Variants in KIF1A observed in about 807,000 individuals in gnomAD.
KIF1A encodes kinesin family member 1A.
Under a neutral mutation model 227.3 loss-of-function variants are expected in KIF1A, and 46 were observed. The observed-to-expected ratio is 0.20, with a 90% CI of 0.16 to 0.26. The LOEUF (loss-of-function observed/expected upper bound fraction) is 0.26, where lower values mean the gene tolerates loss of function less well. KIF1A is among the 10% of genes least tolerant of loss of function. KIF1A has a pLI of 1.00. For missense variants in KIF1A, 1,683 were observed against 2,485.9 expected (o/e 0.68, Z 6.87); for synonymous variants, 1,022 against 1,012.8 (o/e 1.01, Z -0.17).
chr2:240,757,687 A>G lies in KIF1A; in HGVS notation c.2583-93T>C. On this transcript the variant is annotated intron_variant, in intron 26 of 48. Coordinates refer to ENST00000498729, the MANE Select transcript of KIF1A (RefSeq NM_001244008.2). This position sits in a 1 kb window ranked among gnomAD's most constrained non-coding sequence, Gnocchi z 6.2. The stretch of plus-strand genomic sequence containing the variant: ...GGCCGGGGCTGGGGGGCTTCTGTTT[A>G]AAACCAAAACCAAACACACAGACCA... The G allele has an allele frequency of 8.4e-7, 1 of 1,191,338 alleles. No homozygotes were observed. Among genetic ancestry groups the G allele is most frequent in the South Asian group, 1.5e-5 (1 of 64,860 alleles). The allele number at this position is 1,191,338 out of a possible 1,614,324, so 73.8% of individuals were successfully genotyped here. A position where few individuals can be genotyped will look rare whatever the true frequency, so the allele number is the denominator to read the frequency against.
At chr2:240,774,339 AT>A in intron 11 of KIF1A, 78 bp from the exon 12 acceptor site, 1 of 882,224 alleles carries the variant, frequency 1.1e-6, no homozygotes, top group Non-Finnish European at 1.8e-6. Context: ...TTCCCCCCAC[AT>A]TTACAGATGG....
intron 1 of KIF1A, chr2:240,798,174 G>T (rs548002668): frequency 5.7e-6 from 1 of 176,604 alleles, no homozygotes; most frequent in East Asian, 1.6e-4. Flanking sequence ...GGTCCGCGCA[G>T]GCCCCAAGAG....
intron 10 of KIF1A, among the ~76,000 whole-genome samples, chr2:240,776,657 C>T (rs548137372): frequency 1.3e-5 from 2 of 152,364 alleles, no homozygotes; most frequent in East Asian, 1.9e-4. Context: ...GTTTCAGTGA[C>T]TTCCAATGTC....
rs375290825 is a variant in KIF1A, at chr2:240,760,758, C to T, written c.2351G>A (p.Arg784Gln). 8.7e-6 allele frequency: 14 copies of T among 1,601,160 alleles called. No homozygotes were observed. Among genetic ancestry groups the T allele is most frequent in the Non-Finnish European group, 1.1e-5 (13 of 1,174,352 alleles). Residue 784 changes from arginine (R) to glutamine (Q), a missense_variant, in exon 25 of 49, where the codon CGA becomes CAA. Physicochemically the swap from Arg to Gln is conservative, Grantham distance 43. Around this residue, in one of 12 missense-constraint regions of KIF1A, gnomAD observed 759 missense variants for 1,020.2 expected, o/e 0.74. Coordinates refer to ENST00000498729, the MANE Select transcript of KIF1A (RefSeq NM_001244008.2). ...GGTGCGGGGGAAGGGCCGCGTCTCT[C>T]GGTCTTTGGCGGCCTCTGGGGGCAG... is the stretch of plus-strand genomic sequence containing the variant. ...DLLPPEAAKD[R>Q]ETRPFPRTIV...
In KIF1A at chr2:240,780,159, G is replaced by A. The variant is rs1006936714; in HGVS notation, c.882+2431C>T. Reference sequence around the variant, plus strand: ...AGATCCCCCGAGTCCCTGACGCAGCGTTCACACGGTTCCTCATGCCTTTCC... The same window carrying A: ...AGATCCCCCGAGTCCCTGACGCAGCATTCACACGGTTCCTCATGCCTTTCC... On this transcript the variant is annotated intron_variant, in intron 10 of 48. Coordinates refer to ENST00000498729, the MANE Select transcript of KIF1A (RefSeq NM_001244008.2). 5.3e-5 allele frequency among the ~76,000 whole-genome samples: 8 copies of A among 151,852 alleles called. No homozygotes were observed. In the East Asian group the frequency reaches 5.8e-4, roughly 11 times the overall value.
At chr2:240,754,264 C>T (rs904780387) in intron 27 of KIF1A, among the ~76,000 whole-genome samples, 8 of 152,236 alleles carry the variant, frequency 5.3e-5, no homozygotes, top group African/African-American at 1.9e-4. Flanking sequence ...CCCATCTCTA[C>T]AGCACCCTGT....
chr2:240,758,560 C>T lies in KIF1A; in HGVS notation c.2445-63G>A, dbSNP rs879218776. 8 of 1,449,514 alleles carry T rather than the reference C, an allele frequency of 5.5e-6. 2 individuals are homozygous for T. The South Asian group carries it at 1.2e-4, about 21-fold the overall frequency. 89.8% of individuals were successfully genotyped at this position (1,449,514 alleles called of 1,614,324 possible). A position where few individuals can be genotyped will look rare whatever the true frequency, so the allele number is the denominator to read the frequency against. ...AGCGCTCAGCAGCTGGCACCGCACA[C>T]CCTTATCTCCTGGGGACAGTGGGCT... On this transcript the variant is annotated intron_variant, in intron 25 of 48. Transcript: ENST00000498729. This position sits in a 1 kb window ranked among gnomAD's most constrained non-coding sequence, Gnocchi z 5.2.
upstream of KIF1A, among the ~76,000 whole-genome samples, chr2:240,820,539 C>G (rs2058655025): frequency 6.6e-6 from 1 of 151,862 alleles, no homozygotes; most frequent in Non-Finnish European, 1.5e-5. The surrounding 1 kb of genome is among the most constrained non-coding windows in gnomAD (Gnocchi z 6.2). Context: ...CGCCCCGTCC[C>G]GAAGCCCCGC....
At chr2:240,747,489 T>C (rs1485807011) in intron 28 of KIF1A, among the ~76,000 whole-genome samples, 168 bp from the exon 29 acceptor site, 2 of 152,174 alleles carry the variant, frequency 1.3e-5, no homozygotes, top group South Asian at 2.1e-4. Context: ...AACCAGGGCA[T>C]GTCCCGGCAC....
At chr2:240,749,015 A>C (rs2048915342) in intron 28 of KIF1A, among the ~76,000 whole-genome samples, 1 of 151,734 alleles carries the variant, frequency 6.6e-6, no homozygotes, top group South Asian at 2.1e-4. Context: ...CAGCTACTCT[A>C]CTCGGCAGGC....
chr2:240,737,006 G>A, intron 38 of KIF1A, 57 bp downstream of exon 38: 2 of 1,413,624 alleles, frequency 1.4e-6, no homozygotes, highest in African/African-American at 1.4e-5. Flanking sequence ...GTTGGCTGAG[G>A]GCCTGGCAGG....
rs990997300 is a variant in KIF1A at position 240,792,127 on chromosome 2, G to C, written c.107-2815C>G. Among the ~76,000 whole-genome samples the C allele has an allele frequency of 2.0e-5, 3 of 151,958 alleles. No individual in the cohort carries two copies. Among genetic ancestry groups the C allele is most frequent in the African/African-American group, 7.2e-5 (3 of 41,380 alleles). ...AGGTCCTCTCCCCCGGTCACACGAC[G>C]CACAGCCAGACTAGAAGCCAGGGTC... is the stretch of plus-strand genomic sequence containing the variant. On this transcript the variant is annotated intron_variant, in intron 2 of 48. Coordinates refer to ENST00000498729, the MANE Select transcript of KIF1A (RefSeq NM_001244008.2). The surrounding 1 kb of genome is among the most constrained non-coding windows in gnomAD (Gnocchi z 4.5).
At chr2:240,730,276 A>C (rs1397735544) in intron 38 of KIF1A, among the ~76,000 whole-genome samples, 1 of 152,216 alleles carries the variant, frequency 6.6e-6, no homozygotes, top group Non-Finnish European at 1.5e-5. Context: ...CCGGGCTTGC[A>C]GGGCACAGCA....
chr2:240,785,198 GC>G, intron 6 of KIF1A, 98 bp from the exon 7 acceptor site: 3 of 998,772 alleles, frequency 3.0e-6, no homozygotes, highest in Non-Finnish European at 4.6e-6. Context: ...ATCGGGGGGG[GC>G]AGTTCCCCCA....
intron 23 of KIF1A, among the ~76,000 whole-genome samples, chr2:240,762,453 A>G (rs1332795766): frequency 6.6e-6 from 1 of 152,212 alleles, no homozygotes; most frequent in Non-Finnish European, 1.5e-5. Context: ...ACGTGTGTAC[A>G]TGTGTGCACG....
chr2:240,737,623 T>TA (rs2047497648), intron 37 of KIF1A: 2 of 160,964 alleles, frequency 1.2e-5, no homozygotes, highest in African/African-American at 4.8e-5. Flanking sequence ...TGGGAAGGGA[T>TA]AGGAGAGAAC....
intron 2 of KIF1A, among the ~76,000 whole-genome samples, chr2:240,791,082 C>T (rs754301735): frequency 6.6e-6 from 1 of 152,016 alleles, no homozygotes; most frequent in South Asian, 2.1e-4. Flanking sequence ...CCAGGCACCC[C>T]GGGCAGCCAG....
chr2:240,771,263 G>T lies in KIF1A; in HGVS notation c.1208-159C>A, dbSNP rs185130112. ...AAGATGGGAAAAAGTAAGAGATGGG[G>T]CCCAGAGAAGGCAAGAAACAGAAAC... On this transcript the variant is annotated intron_variant, in intron 14 of 48. Coordinates refer to ENST00000498729, the MANE Select transcript of KIF1A (RefSeq NM_001244008.2). 391 of 852,254 alleles carry T rather than the reference G, an allele frequency of 4.6e-4. 1 individual carries two copies. The African/African-American group carries it at 6.1e-3, about 13-fold the overall frequency. The allele number at this position is 852,254 out of a possible 1,614,324, so 52.8% of individuals were successfully genotyped here.
chr2:240,721,224 C>A (rs2045339778), intron 44 of KIF1A, among the ~76,000 whole-genome samples, 186 bp from the exon 45 acceptor site: 1 of 152,244 alleles, frequency 6.6e-6, no homozygotes, highest in Admixed American at 6.5e-5. Flanking sequence ...CCTGTGGCCC[C>A]TGGCCGGCCC....
Sources: allele counts gnomAD v4.1 joint callset (sites outside exome capture counted in the v4.1 genomes callset), GRCh38; gene constraint gnomAD v4.1.1; regional missense constraint gnomAD v4.1.1; non-coding constraint Gnocchi (gnomAD v3.1); transcripts MANE v1.5; gene names NCBI Gene and HGNC (gene_info 2026-07-23, HGNC 2026-07-21).